The following DOCK5 variants were observed in gnomAD, a reference collection of about 807,000 sequenced individuals.
The protein encoded by DOCK5 is dedicator of cytokinesis 5, also known as dedicator of cytokinesis protein 5.
Under a neutral mutation model 251.8 loss-of-function variants are expected in DOCK5, and 142 were observed. The ratio of observed to expected loss-of-function variants is 0.56; its 90% CI spans 0.49 to 0.65. The LOEUF (loss-of-function observed/expected upper bound fraction) is 0.65, where lower values mean the gene tolerates loss of function less well. DOCK5 is among the 30% of genes least tolerant of loss of function. The pLI, the probability that DOCK5 is intolerant of heterozygous loss-of-function variation, is 0.00. For missense variants in DOCK5, 2,111 were observed against 2,312.3 expected (o/e 0.91, Z 1.79); for synonymous variants, 842 against 835.5 (o/e 1.01, Z -0.13).
intron 45 of DOCK5, among the ~76,000 whole-genome samples, chr8:25,397,891 T>C (rs1801374474): frequency 6.6e-6 from 1 of 152,234 alleles, no homozygotes; most frequent in African/African-American, 2.4e-5. Context: ...ACTAATGTAT[T>C]CATTTAGTTA....
At chr8:25,256,460 G>A (rs995231357) in intron 2 of DOCK5, among the ~76,000 whole-genome samples, 11 of 152,002 alleles carry the variant, frequency 7.2e-5, no homozygotes, top group Middle Eastern at 3.4e-3. Context: ...CCAACATGGC[G>A]AAAACCCGTC....
At chr8:25,195,782 T>G (rs1173460289) in intron 1 of DOCK5, among the ~76,000 whole-genome samples, 4 of 152,328 alleles carry the variant, frequency 2.6e-5, no homozygotes, top group Middle Eastern at 6.8e-3. Context: ...TTTATTTATT[T>G]GTTAGTGTTT....
chr8:25,224,153 C>G (rs930072066), intron 1 of DOCK5, among the ~76,000 whole-genome samples: 1 of 152,168 alleles, frequency 6.6e-6, no homozygotes. Context: ...GAGTCTTGCT[C>G]TCTTGCCCAG....
chr8:25,230,353 G>C (rs1802637918), intron 1 of DOCK5, among the ~76,000 whole-genome samples: 1 of 152,156 alleles, frequency 6.6e-6, no homozygotes, highest in African/African-American at 2.4e-5. Flanking sequence ...TGCAACCTGG[G>C]TTGGAGGAAG....
At chr8:25,204,283 G>T (rs190163918) in intron 1 of DOCK5, among the ~76,000 whole-genome samples, 1 of 152,172 alleles carries the variant, frequency 6.6e-6, no homozygotes, top group South Asian at 2.1e-4. Context: ...AATTTTAGGG[G>T]CATTTAGGTT....
chr8:25,228,064 A>G lies in DOCK5; in HGVS notation c.44-15610A>G, dbSNP rs1278886437. ...CACACCTGGCTAACTTTTTGTAGAG[A>G]TGGAGTTTTGCCCTGTTGCTCAGGC... On this transcript the variant is annotated intron_variant, in intron 1 of 51. Transcript: ENST00000276440. Among the ~76,000 whole-genome samples the G allele has an allele frequency of 2.6e-5, 4 of 152,128 alleles. No individual in the cohort carries two copies. The South Asian group carries it at 6.2e-4, about 24-fold the overall frequency.
Position 25,411,320 on chromosome 8 carries a change from A to C in DOCK5, c.*22A>C. Reference sequence around the variant, plus strand: ...GTAAGGATCTTGCCCTCCCTGCAACACCGAGTGCCTTAGACAGCTGCTGCC... The same window carrying C: ...GTAAGGATCTTGCCCTCCCTGCAACCCCGAGTGCCTTAGACAGCTGCTGCC... On this transcript the variant is annotated 3_prime_UTR_variant, in exon 52 of 52. Transcript: ENST00000276440. The C allele has an allele frequency of 6.9e-7, 1 of 1,450,272 alleles. No homozygotes were observed. The highest frequency in any genetic ancestry group is 9.1e-7 in the Non-Finnish European group (1 of 1,102,844). The allele number at this position is 1,450,272 out of a possible 1,614,324, so 89.8% of individuals were successfully genotyped here. A position where few individuals can be genotyped will look rare whatever the true frequency, so the allele number is the denominator to read the frequency against.
At chr8:25,324,597 G>A (rs1489501542) in intron 17 of DOCK5, among the ~76,000 whole-genome samples, 2 of 152,150 alleles carry the variant, frequency 1.3e-5, no homozygotes, top group Admixed American at 6.5e-5. Context: ...ATTTTGGAAG[G>A]GATGGCAAGC....
intron 45 of DOCK5, among the ~76,000 whole-genome samples, chr8:25,397,022 C>A (rs982777948): frequency 2.6e-5 from 4 of 152,016 alleles, no homozygotes; most frequent in Non-Finnish European, 5.9e-5. Flanking sequence ...GAGATAGAGA[C>A]CAGCCTGGCG....
At chr8:25,318,753 C>T (rs1364332552) in intron 14 of DOCK5, among the ~76,000 whole-genome samples, 3 of 151,990 alleles carry the variant, frequency 2.0e-5, no homozygotes, top group African/African-American at 7.3e-5. Flanking sequence ...CACCTCTTCT[C>T]GTATGAGCCG....
rs139507185 is a variant in DOCK5, at chr8:25,345,577, G to T, written c.2720G>T (p.Ser907Ile). The part of the protein sequence containing the change: ...PDHEASSQLL[S>I]NILEVLDRKD... Reference sequence around the variant, plus strand: ...CACGAGGCAAGCTCGCAGCTTCTGAGCAACATCCTGGAGGTGCTGGACAGG... The same window carrying T: ...CACGAGGCAAGCTCGCAGCTTCTGATCAACATCCTGGAGGTGCTGGACAGG... Residue 907 changes from serine to isoleucine, a missense_variant, in exon 26 of 52, where the codon AGC becomes ATC. Coordinates refer to ENST00000276440, the MANE Select transcript of DOCK5 (RefSeq NM_024940.8). 48 of 1,613,906 alleles carry T rather than the reference G, an allele frequency of 3.0e-5. No individual in the cohort carries two copies. The highest frequency in any genetic ancestry group is 4.1e-5 in the Non-Finnish European group (48 of 1,179,894).
chr8:25,368,655 C>T lies in DOCK5; in HGVS notation c.3368C>T (p.Ala1123Val), dbSNP rs756401295. Reference protein sequence around the residue: ...TLTPEVELRKATIPIFFDMMQ... With the variant: ...TLTPEVELRKVTIPIFFDMMQ... Reference sequence around the variant, plus strand: ...ACCCCTGAAGTAGAGCTCCGGAAAGCCACAATCCCCATTTTCTTTGATATG... The same window carrying T: ...ACCCCTGAAGTAGAGCTCCGGAAAGTCACAATCCCCATTTTCTTTGATATG... The change falls in exon 33 of 52, where the codon GCC becomes GTC. Residue 1123 changes from alanine (A) to valine (V), a missense_variant. Ala to Val is a moderately conservative substitution (Grantham distance 64, BLOSUM62 0). Around this residue, in one of 3 missense-constraint regions of DOCK5, gnomAD observed 1,717 missense variants for 1,892.4 expected, o/e 0.91. Transcript: ENST00000276440. 1 of 1,613,738 alleles carries T rather than the reference C, an allele frequency of 6.2e-7. No homozygotes were observed. The highest frequency in any genetic ancestry group is 1.3e-5 in the African/African-American group (1 of 74,916).
Position 25,292,188 on chromosome 8 carries a change from A to T in DOCK5, c.470+16A>T. 6.5e-7 allele frequency: 1 copy of T among 1,548,532 alleles called. No individual in the cohort carries two copies. The highest frequency in any genetic ancestry group is 8.7e-7 in the Non-Finnish European group (1 of 1,147,480). On this transcript the variant is annotated intron_variant, in intron 6 of 51. Coordinates refer to ENST00000276440, the MANE Select transcript of DOCK5 (RefSeq NM_024940.8). ...ATGGGAACAGGTAGGTAAACCAGGG[A>T]TGGCTTTTCACTGAAAACTTGGCGA...
intron 2 of DOCK5, among the ~76,000 whole-genome samples, chr8:25,257,478 G>A (rs977723017): frequency 4.6e-5 from 7 of 152,136 alleles, no homozygotes; most frequent in South Asian, 2.1e-4. Flanking sequence ...AGCAAATGAC[G>A]TTTATACTTT....
Position 25,413,156 on chromosome 8 carries a change from G to A in DOCK5, c.*1858G>A, listed in dbSNP as rs1801659724. 1 of 152,136 alleles carries A rather than the reference G, an allele frequency of 6.6e-6. No homozygotes were observed. The highest frequency in any genetic ancestry group is 2.4e-5 in the African/African-American group (1 of 41,412). 9.4% of individuals were successfully genotyped at this position (152,136 alleles called of 1,614,324 possible). On this transcript the variant is annotated 3_prime_UTR_variant, in exon 52 of 52. Transcript: ENST00000276440. ...GAATGGGGATAATGCCTCCTGCATC[G>A]GTTGTTGTGAGGTTTCAATGAGATG...
intron 49 of DOCK5, 60 bp downstream of exon 49, chr8:25,408,214 C>T (rs556729605): frequency 3.4e-6 from 5 of 1,484,264 alleles, no homozygotes; most frequent in African/African-American, 2.8e-5. Flanking sequence ...TCCCCTGTAC[C>T]CAGGCATATC....
At chr8:25,240,474 C>T (rs1454405025) in intron 1 of DOCK5, among the ~76,000 whole-genome samples, 1 of 152,168 alleles carries the variant, frequency 6.6e-6, no homozygotes, top group Non-Finnish European at 1.5e-5. Flanking sequence ...TCCCTCCTCA[C>T]AGCCCCAGGC....
Position 25,317,035 on chromosome 8 carries a change from C to G in DOCK5, c.1347C>G (p.Thr449=), listed in dbSNP as rs1418024467. The change falls in exon 14 of 52, where the codon ACC becomes ACG. Residue 449 remains threonine (T), a synonymous_variant. Coordinates refer to ENST00000276440, the MANE Select transcript of DOCK5 (RefSeq NM_024940.8). ...ATGTTCGGAATGACATTTATGTCAC[C>G]CTGATCCACGGTGAGTTTGACAAAG... ...PGDVRNDIYV[T]LIHGEFDKGK... The G allele has an allele frequency of 1.2e-6, 2 of 1,613,722 alleles. No homozygotes were observed. Among genetic ancestry groups the G allele is most frequent in the African/African-American group, 1.3e-5 (1 of 74,870 alleles).
At chr8:25,225,874 C>G (rs1802518721) in intron 1 of DOCK5, among the ~76,000 whole-genome samples, 1 of 152,030 alleles carries the variant, frequency 6.6e-6, no homozygotes, top group Non-Finnish European at 1.5e-5. Flanking sequence ...AAGGGAGTTA[C>G]CAGGGGGTGG....
Sources: gnomAD v4.1 joint callset for allele counts (sites outside exome capture counted in the v4.1 genomes callset) on GRCh38, gnomAD v4.1.1 for gene constraint, gnomAD v4.1.1 regional missense constraint, MANE v1.5 for transcripts, NCBI Gene and HGNC (gene_info 2026-07-23, HGNC 2026-07-21) for gene names.